NXPH1: variants seen among roughly 807,000 people sequenced by gnomAD.
NXPH1 encodes the protein neurexophilin-1.
NXPH1 carries 5 observed loss-of-function variants against 23.7 expected under a neutral mutation model. That is an observed-to-expected ratio of 0.21 (90% CI 0.11 to 0.44). The LOEUF (loss-of-function observed/expected upper bound fraction) is 0.44, where lower values mean the gene tolerates loss of function less well. Among genes scored for constraint, NXPH1 ranks in the 20% least tolerant of loss-of-function variants. The pLI, the probability that NXPH1 is intolerant of heterozygous loss-of-function variation, is 0.99. For synonymous variants in NXPH1, 144 were observed against 122.2 expected, an observed-to-expected ratio of 1.18 and a Z score of -1.18; for missense variants, 324 against 321.6, an observed-to-expected ratio of 1.01 and a Z score of -0.06.
At chr7:8,653,187 A>G (rs1259349769) in intron 2 of NXPH1, among the ~76,000 whole-genome samples, 1 of 152,004 alleles carries the variant, frequency 6.6e-6, no homozygotes, top group Non-Finnish European at 1.5e-5. Flanking sequence ...TAGCTGGAAT[A>G]TTTGTATTTA....
intron 2 of NXPH1, among the ~76,000 whole-genome samples, chr7:8,453,151 G>A (rs1002394004): frequency 6.6e-6 from 1 of 152,120 alleles, no homozygotes; most frequent in East Asian, 1.9e-4. Flanking sequence ...AGTAGAAGGA[G>A]AGGGGGAAAG....
At chr7:8,528,217 G>C (rs1473313465) in intron 2 of NXPH1, among the ~76,000 whole-genome samples, 1 of 152,226 alleles carries the variant, frequency 6.6e-6, no homozygotes, top group East Asian at 1.9e-4. Context: ...TGAAGGGCAA[G>C]CTTTGGGGCC....
intron 2 of NXPH1, among the ~76,000 whole-genome samples, chr7:8,531,945 T>G (rs1817955286): frequency 6.6e-6 from 1 of 152,180 alleles, no homozygotes; most frequent in African/African-American, 2.4e-5. Flanking sequence ...TATCTGATCC[T>G]TCGTCTCCTT....
chr7:8,435,701 G>A lies in NXPH1; in HGVS notation c.-13G>A. On this transcript the variant is annotated 5_prime_UTR_variant, in exon 2 of 3. An upstream open reading frame in the 5' UTR loses its in-frame stop. Transcript: ENST00000405863. The surrounding 1 kb of genome is among the most constrained non-coding windows in gnomAD (Gnocchi z 5.9). Reference sequence around the variant, plus strand: ...AAAGAAGGCACCGCCAAGGAAGTTTGAGACGCGGGAGAATGCAGGCTGCGT... The same window carrying A: ...AAAGAAGGCACCGCCAAGGAAGTTTAAGACGCGGGAGAATGCAGGCTGCGT... The A allele has an allele frequency of 6.2e-7, 1 of 1,613,850 alleles. No individual in the cohort carries two copies. Among genetic ancestry groups the A allele is most frequent in the Non-Finnish European group, 8.5e-7 (1 of 1,179,742 alleles).
At chr7:8,667,987 TTTGTTG>T (rs34017254) in intron 2 of NXPH1, among the ~76,000 whole-genome samples, 56 of 150,890 alleles carry the variant, frequency 3.7e-4, no homozygotes, top group African/African-American at 1.2e-3. Flanking sequence ...TCTATTGTAT[TTTGTTG>T]TTGTTGTTGT....
intron 2 of NXPH1, among the ~76,000 whole-genome samples, chr7:8,580,725 T>G (rs556388857): frequency 1.5e-5 from 2 of 134,840 alleles, no homozygotes; most frequent in Non-Finnish European, 3.1e-5. Context: ...GGCTGAGTTG[T>G]GTTGGTCACT....
At chr7:8,544,950 T>C (rs1007349479) in intron 2 of NXPH1, among the ~76,000 whole-genome samples, 1 of 151,574 alleles carries the variant, frequency 6.6e-6, no homozygotes, top group Non-Finnish European at 1.5e-5. Flanking sequence ...ATTTGACCAC[T>C]TAGTCTAGCG....
intron 2 of NXPH1, among the ~76,000 whole-genome samples, chr7:8,734,295 A>G (rs1780207683): frequency 6.6e-6 from 1 of 152,186 alleles, no homozygotes; most frequent in Admixed American, 6.5e-5. Context: ...TATAGCTTGA[A>G]GTCAGGTAGC....
intron 2 of NXPH1, among the ~76,000 whole-genome samples, chr7:8,559,854 G>T (rs1305354183): frequency 6.6e-6 from 1 of 151,662 alleles, no homozygotes; most frequent in Non-Finnish European, 1.5e-5. Context: ...AGCATACTGG[G>T]CCAGTAGTCA....
chr7:8,643,569 G>C (rs754136525), intron 2 of NXPH1, among the ~76,000 whole-genome samples: 13 of 152,090 alleles, frequency 8.5e-5, no homozygotes, highest in African/African-American at 1.7e-4. Flanking sequence ...AATATATTGA[G>C]ATTTTTTTAT....
intron 2 of NXPH1, among the ~76,000 whole-genome samples, chr7:8,599,502 A>G (rs757702673): frequency 6.6e-6 from 1 of 152,118 alleles, no homozygotes; most frequent in Non-Finnish European, 1.5e-5. Context: ...GAGGTCTGCC[A>G]TGATCTGGTA....
chr7:8,575,311 C>G (rs923385209), intron 2 of NXPH1, among the ~76,000 whole-genome samples: 2 of 152,136 alleles, frequency 1.3e-5, no homozygotes, highest in Admixed American at 1.3e-4. Context: ...ACTAAAATGT[C>G]TCTTTTTCTC....
chr7:8,646,510 T>G (rs1820402255), intron 2 of NXPH1, among the ~76,000 whole-genome samples: 1 of 152,138 alleles, frequency 6.6e-6, no homozygotes, highest in Non-Finnish European at 1.5e-5. Flanking sequence ...TAGAAGAGAA[T>G]GCTAATAAGG....
intron 2 of NXPH1, among the ~76,000 whole-genome samples, chr7:8,529,814 G>T (rs2128617116): frequency 6.6e-6 from 1 of 151,930 alleles, no homozygotes; most frequent in Middle Eastern, 3.4e-3. Flanking sequence ...AAAAAAAATG[G>T]TCCAGAGTAA....
chr7:8,735,156 T>G (rs966102156), intron 2 of NXPH1, among the ~76,000 whole-genome samples: 6 of 152,210 alleles, frequency 3.9e-5, no homozygotes, highest in African/African-American at 1.4e-4. Context: ...CTGATTGCCC[T>G]GGCCAGAACT....
At chr7:8,662,886 A>C (rs1477591364) in intron 2 of NXPH1, among the ~76,000 whole-genome samples, 1 of 152,096 alleles carries the variant, frequency 6.6e-6, no homozygotes, top group East Asian at 1.9e-4. Flanking sequence ...ATGCAACAAT[A>C]AAAGGTTATG....
rs1236743163 is a variant in NXPH1 at position 8,478,937 on chromosome 7, T to C, written c.54+43170T>C. 7.2e-5 allele frequency among the ~76,000 whole-genome samples: 11 copies of C among 152,078 alleles called. No individual in the cohort carries two copies. The East Asian group carries it at 1.9e-3, about 27-fold the overall frequency. ...TAAAGGGCTCAGACTATTATTGGCA[T>C]ACAATGACCCAAATAATGTTGTTCC... On this transcript the variant is annotated intron_variant, in intron 2 of 2. Transcript: ENST00000405863.
At chr7:8,599,769 G>A (rs555447750) in intron 2 of NXPH1, among the ~76,000 whole-genome samples, 3 of 148,976 alleles carry the variant, frequency 2.0e-5, no homozygotes, top group East Asian at 2.0e-4. Context: ...AACCACACTT[G>A]TTCATAACTT....
chr7:8,690,097 A>G (rs932270336), intron 2 of NXPH1, among the ~76,000 whole-genome samples: 4 of 152,206 alleles, frequency 2.6e-5, no homozygotes, highest in Non-Finnish European at 4.4e-5. Flanking sequence ...AGATTGGATT[A>G]TTTTAATAAA....
Sources: allele counts gnomAD v4.1 joint callset (sites outside exome capture counted in the v4.1 genomes callset), GRCh38; gene constraint gnomAD v4.1.1; non-coding constraint Gnocchi (gnomAD v3.1); transcripts MANE v1.5; gene names NCBI Gene and HGNC (gene_info 2026-07-23, HGNC 2026-07-21).